Variants in GPATCH8 observed in about 807,000 individuals in gnomAD.
The protein encoded by GPATCH8 is G patch domain-containing protein 8.
A neutral mutation model predicts 118.3 loss-of-function variants in GPATCH8; 18 were observed. The ratio of observed to expected loss-of-function variants is 0.15; its 90% CI spans 0.11 to 0.23. GPATCH8 has a LOEUF of 0.23. Ranked by LOEUF, GPATCH8 falls within the 10% of genes least tolerant of loss-of-function variation. GPATCH8 has a pLI of 1.00. For synonymous variants in GPATCH8, 659 were observed against 684.7 expected (o/e 0.96, Z 0.59); for missense variants, 1,631 against 1,873.8 (o/e 0.87, Z 2.39).
Position 44,399,937 on chromosome 17 carries a change from G to T in GPATCH8, c.2140C>A (p.Arg714=), listed in dbSNP as rs543950617. Residue 714 remains arginine, a synonymous_variant, in exon 8 of 8, where the codon CGA becomes AGA. Coordinates refer to ENST00000591680, the MANE Select transcript of GPATCH8 (RefSeq NM_001002909.4). ...SGEKSKKRKK[R]KRKKNKSSAP... The stretch of plus-strand genomic sequence containing the variant: ...GATGACTTATTCTTCTTTCGTTTTC[G>T]TTTCTTGCGCTTCTTAGATTTCTCC... The T allele has an allele frequency of 1.8e-5, 29 of 1,613,930 alleles. No homozygotes were observed. The African/African-American group carries it at 3.6e-4, about 20-fold the overall frequency.
At chr17:44,497,547 C>T (rs1969750515) in intron 1 of GPATCH8, among the ~76,000 whole-genome samples, 1 of 151,896 alleles carries the variant, frequency 6.6e-6, no homozygotes, top group Admixed American at 6.6e-5. Flanking sequence ...ATGATCGCGT[C>T]ACTGCACTCC....
rs189626355 is a variant in GPATCH8 at position 44,488,033 on chromosome 17, C to T, written c.46-13130G>A. On this transcript the variant is annotated intron_variant, in intron 1 of 7. Coordinates refer to ENST00000591680, the MANE Select transcript of GPATCH8 (RefSeq NM_001002909.4). ...CGCCTCCTGGGTTCAAGCGATTCTCCTGCCTCAGCCTCCCAAGTAGCTGGG... is the reference window on the plus strand; with the variant it reads ...CGCCTCCTGGGTTCAAGCGATTCTCTTGCCTCAGCCTCCCAAGTAGCTGGG... Among the ~76,000 whole-genome samples the T allele has an allele frequency of 9.8e-3, 1,463 of 149,052 alleles. 17 individuals are homozygous for T. The highest frequency in any genetic ancestry group is 0.034 in the African/African-American group (1,385 of 40,558).
intron 3 of GPATCH8, among the ~76,000 whole-genome samples, chr17:44,455,170 C>T (rs2051279622): frequency 6.6e-6 from 1 of 152,134 alleles, no homozygotes; most frequent in Non-Finnish European, 1.5e-5. Flanking sequence ...GAATGGCAGA[C>T]CCTCGGTAGC....
intron 6 of GPATCH8, among the ~76,000 whole-genome samples, chr17:44,418,432 G>A (rs938785436): frequency 6.6e-6 from 1 of 151,880 alleles, no homozygotes; most frequent in Non-Finnish European, 1.5e-5. Flanking sequence ...GCCAACAAAG[G>A]TAGGAGATGA....
intron 1 of GPATCH8, among the ~76,000 whole-genome samples, chr17:44,482,536 T>A (rs1203476785): frequency 1.4e-5 from 2 of 141,546 alleles, no homozygotes; most frequent in Admixed American, 7.5e-5. Context: ...ATCACACCAC[T>A]GCACTTCAGC....
intron 1 of GPATCH8, among the ~76,000 whole-genome samples, chr17:44,488,082 C>T (rs546526931): frequency 1.8e-3 from 267 of 151,426 alleles, no homozygotes; most frequent in Non-Finnish European, 3.2e-3. Flanking sequence ...GCCACCACAT[C>T]CGGGCTAATT....
At chr17:44,499,592 T>A (rs1969911822) in intron 1 of GPATCH8, among the ~76,000 whole-genome samples, 1 of 152,240 alleles carries the variant, frequency 6.6e-6, no homozygotes, top group East Asian at 1.9e-4. Flanking sequence ...CAATAATAGC[T>A]GCGCAACCAT....
At chr17:44,460,865 ATG>A (rs907341303) in intron 3 of GPATCH8, among the ~76,000 whole-genome samples, 1 of 152,212 alleles carries the variant, frequency 6.6e-6, no homozygotes, top group Non-Finnish European at 1.5e-5. Context: ...TATGCAATAA[ATG>A]TGGATATATT....
chr17:44,469,563 T>C (rs1378751003), intron 2 of GPATCH8, among the ~76,000 whole-genome samples: 2 of 152,250 alleles, frequency 1.3e-5, no homozygotes, highest in African/African-American at 4.8e-5. Context: ...AATTTTGTTT[T>C]AGTTGACAGC....
At chr17:44,443,560 C>T (rs1274269639) in intron 3 of GPATCH8, among the ~76,000 whole-genome samples, 1 of 152,106 alleles carries the variant, frequency 6.6e-6, no homozygotes. Flanking sequence ...AAAGGAAAAA[C>T]TTTCTACCCA....
intron 3 of GPATCH8, among the ~76,000 whole-genome samples, chr17:44,453,536 C>G (rs943283290): frequency 2.5e-5 from 1 of 39,662 alleles, no homozygotes; most frequent in African/African-American, 9.3e-5. Flanking sequence ...TGTGTGCAGG[C>G]GCGCGTTTTG....
chr17:44,462,914 G>A (rs977776856), intron 3 of GPATCH8, among the ~76,000 whole-genome samples: 1 of 152,028 alleles, frequency 6.6e-6, no homozygotes, highest in Non-Finnish European at 1.5e-5. Flanking sequence ...CCGGGAGGTG[G>A]AGCTGGCAAT....
intron 4 of GPATCH8, among the ~76,000 whole-genome samples, chr17:44,435,581 T>G (rs995144327): frequency 1.2e-4 from 18 of 149,984 alleles, no homozygotes; most frequent in African/African-American, 4.1e-4. Flanking sequence ...GCCCTGCTAA[T>G]TTTTTTTGTA....
At chr17:44,405,048 G>A (rs533705375) in intron 7 of GPATCH8, among the ~76,000 whole-genome samples, 4 of 152,238 alleles carry the variant, frequency 2.6e-5, no homozygotes, top group Non-Finnish European at 5.9e-5. Context: ...AGAGGATACC[G>A]AATGTTCCTG....
At chr17:44,475,008 T>TA (rs913580892) in intron 1 of GPATCH8, 105 bp from the exon 2 acceptor site, 40 of 681,040 alleles carry the variant, frequency 5.9e-5, no homozygotes, top group Admixed American at 1.5e-4. Context: ...TTTTTTTTTT[T>TA]AACCTAAAAG....
intron 6 of GPATCH8, among the ~76,000 whole-genome samples, chr17:44,423,176 G>A (rs529761164): frequency 1.1e-3 from 172 of 152,236 alleles, no homozygotes; most frequent in African/African-American, 4.0e-3. Context: ...AGAAGGTGGA[G>A]GTTGCAGTGA....
At chr17:44,442,226 A>AC (rs1174572201) in intron 3 of GPATCH8, among the ~76,000 whole-genome samples, 2 of 148,654 alleles carry the variant, frequency 1.3e-5, no homozygotes, top group African/African-American at 4.9e-5. Context: ...AAAAAAAAAA[A>AC]AACACCACAA....
chr17:44,412,947 A>C (rs760056822), intron 6 of GPATCH8, among the ~76,000 whole-genome samples: 6 of 152,034 alleles, frequency 3.9e-5, no homozygotes, highest in Admixed American at 6.6e-5. Context: ...ACCCTAATTC[A>C]TGTCTCAGTG....
Position 44,503,394 on chromosome 17 carries a change from G to A in GPATCH8, c.-24C>T. 2 of 1,594,212 alleles carry A rather than the reference G, an allele frequency of 1.3e-6. No homozygotes were observed. The highest frequency in any genetic ancestry group is 1.7e-6 in the Non-Finnish European group (2 of 1,169,010). ...ATTTTGCCGCCTTCACTCCTCTCAG[G>A]ACGACGCTCTCCGGTTCGCTCCTTC... On this transcript the variant is annotated 5_prime_UTR_variant, in exon 1 of 8. Transcript: ENST00000591680.
Sources: allele counts gnomAD v4.1 joint callset (sites outside exome capture counted in the v4.1 genomes callset), GRCh38; gene constraint gnomAD v4.1.1; transcripts MANE v1.5; gene names NCBI Gene and HGNC (gene_info 2026-07-23, HGNC 2026-07-21).